The following SLC2A12 variants were observed in gnomAD, a reference collection of about 807,000 sequenced individuals.
SLC2A12 encodes the protein solute carrier family 2, facilitated glucose transporter member 12.
In SLC2A12, 23 loss-of-function variants were observed where a neutral mutation model predicts 41.8. The observed-to-expected ratio is 0.55, with a 90% CI of 0.40 to 0.78. The LOEUF (loss-of-function observed/expected upper bound fraction) is 0.78, where lower values mean the gene tolerates loss of function less well. SLC2A12 is among the 30% of genes least tolerant of loss of function. The probability of loss-of-function intolerance (pLI) is 0.00; values close to 1 mark genes in which losing one functional copy is unlikely to be tolerated. For missense variants in SLC2A12, 654 were observed against 745.6 expected, an observed-to-expected ratio of 0.88 and a Z score of 1.43; for synonymous variants, 295 against 285.9, an observed-to-expected ratio of 1.03 and a Z score of -0.32.
intron 2 of SLC2A12, among the ~76,000 whole-genome samples, chr6:134,014,755 G>A (rs779992157): frequency 1.3e-5 from 2 of 152,190 alleles, no homozygotes; most frequent in African/African-American, 4.8e-5. Context: ...TCATAGAACT[G>A]TAATTGGAGT....
chr6:134,031,093 C>T (rs867211578), intron 1 of SLC2A12, among the ~76,000 whole-genome samples: 17 of 152,230 alleles, frequency 1.1e-4, no homozygotes, highest in African/African-American at 4.1e-4. Context: ...GAGCTAAAAA[C>T]CACTACACTT....
intron 3 of SLC2A12, among the ~76,000 whole-genome samples, chr6:134,004,583 CCA>C (rs1472785170): frequency 1.3e-5 from 2 of 152,016 alleles, no homozygotes; most frequent in Non-Finnish European, 2.9e-5. Context: ...ATAGAACTTC[CCA>C]CAGTCTGGAT....
At chr6:134,038,409 T>G (rs911817585) in intron 1 of SLC2A12, among the ~76,000 whole-genome samples, 1 of 140,188 alleles carries the variant, frequency 7.1e-6, no homozygotes, top group African/African-American at 2.8e-5. Flanking sequence ...GTGCCCAGGC[T>G]GGAGTGTAGT....
Position 133,990,978 on chromosome 6 carries a change from T to G in SLC2A12, c.*177A>C. The G allele has an allele frequency of 1.5e-6, 1 of 663,152 alleles. No individual in the cohort carries two copies. The highest frequency in any genetic ancestry group is 2.4e-6 in the Non-Finnish European group (1 of 408,896). The allele number at this position is 663,152 out of a possible 1,614,324, so 41.1% of individuals were successfully genotyped here. On this transcript the variant is annotated 3_prime_UTR_variant, in exon 5 of 5. Coordinates refer to ENST00000275230, the MANE Select transcript of SLC2A12 (RefSeq NM_145176.3). ...AGGACCTTGTACCTCATCTACCTTT[T>G]GAGGTTCCTTCTGGGGAGGAGGGGG...
At chr6:134,037,566 G>A (rs1184659503) in intron 1 of SLC2A12, among the ~76,000 whole-genome samples, 1 of 152,016 alleles carries the variant, frequency 6.6e-6, no homozygotes, top group Non-Finnish European at 1.5e-5. Flanking sequence ...TGTTGGCCTG[G>A]ATGGTCTCGA....
chr6:133,994,105 G>A (rs551716066), intron 4 of SLC2A12, among the ~76,000 whole-genome samples: 8 of 152,324 alleles, frequency 5.3e-5, no homozygotes, highest in South Asian at 4.1e-4. Flanking sequence ...CAGGGCAGCC[G>A]TGAAGGTGTT....
intron 1 of SLC2A12, among the ~76,000 whole-genome samples, chr6:134,036,818 G>A (rs1046258188): frequency 2.6e-5 from 4 of 152,252 alleles, no homozygotes; most frequent in Admixed American, 1.3e-4. Flanking sequence ...AGGTTTTAGC[G>A]CTATGTTTAG....
intron 1 of SLC2A12, among the ~76,000 whole-genome samples, chr6:134,044,363 G>T (rs1035432583): frequency 5.9e-5 from 9 of 152,160 alleles, no homozygotes; most frequent in African/African-American, 2.2e-4. Flanking sequence ...TTGCTGAATG[G>T]TTATCTTGCA....
chr6:134,011,869 T>C (rs1458878276), intron 2 of SLC2A12, among the ~76,000 whole-genome samples: 7 of 151,890 alleles, frequency 4.6e-5, no homozygotes, highest in Admixed American at 4.6e-4. Context: ...TTGTGAAACC[T>C]CATCTCTACT....
intron 1 of SLC2A12, among the ~76,000 whole-genome samples, chr6:134,049,015 C>T (rs140355225): frequency 1.3e-5 from 2 of 152,316 alleles, no homozygotes; most frequent in African/African-American, 2.4e-5. Flanking sequence ...CCCGGGAGAA[C>T]AGCACTCAGT....
rs1240604368 is a variant in SLC2A12 at position 134,052,598 on chromosome 6, C to T, written c.-118G>A. The T allele has an allele frequency of 1.3e-6, 1 of 745,316 alleles. No homozygotes were observed. The highest frequency in any genetic ancestry group is 2.2e-6 in the Non-Finnish European group (1 of 449,754). The allele number at this position is 745,316 out of a possible 1,614,324, so 46.2% of individuals were successfully genotyped here. On this transcript the variant is annotated 5_prime_UTR_variant, in exon 1 of 5. Transcript: ENST00000275230. ...TAAAGAAGAGTGTGGGGAAAAACTT[C>T]GGGCAAAGCTAATGTGATTTGTGAC...
rs1162913648 is a variant in SLC2A12, at chr6:134,029,737, A to G, written c.104-16T>C. On this transcript the variant is annotated splice_polypyrimidine_tract_variant and intron_variant, in intron 1 of 4. Coordinates refer to ENST00000275230, the MANE Select transcript of SLC2A12 (RefSeq NM_145176.3). ...ATGCCGCAGCCTGCAAGCAGAGAGA[A>G]GAGACAGGGAGGTCAGTTCTCAGTT... 1 of 1,581,664 alleles carries G rather than the reference A, an allele frequency of 6.3e-7. No homozygotes were observed. Among genetic ancestry groups the G allele is most frequent in the Non-Finnish European group, 8.6e-7 (1 of 1,168,078 alleles).
At chr6:134,008,780 C>T (rs1776844417) in intron 2 of SLC2A12, among the ~76,000 whole-genome samples, 1 of 152,184 alleles carries the variant, frequency 6.6e-6, no homozygotes, top group Admixed American at 6.5e-5. Flanking sequence ...CACGGACCAA[C>T]CTCCCTATAC....
chr6:134,014,941 A>G (rs956203812), intron 2 of SLC2A12, among the ~76,000 whole-genome samples: 80 of 152,260 alleles, frequency 5.3e-4, no homozygotes, highest in Non-Finnish European at 1.9e-4. Context: ...AGGGGAAAAC[A>G]GGATTTAATT....
At chr6:134,009,111 G>A (rs62425803) in intron 2 of SLC2A12, 23,064 of 152,082 alleles carry the variant, frequency 0.15, 1,955 homozygotes, top group East Asian at 0.19. Context: ...AGTGGACCTC[G>A]CCAACAAGAA....
At chr6:134,048,594 A>C (rs1773616036) in intron 1 of SLC2A12, among the ~76,000 whole-genome samples, 4 of 152,182 alleles carry the variant, frequency 2.6e-5, no homozygotes, top group African/African-American at 7.2e-5. Context: ...ACAACAACAA[A>C]AAAACCTGTT....
chr6:134,007,029 C>T lies in SLC2A12; in HGVS notation c.1445-95G>A, dbSNP rs1391544056. Reference sequence around the variant, plus strand: ...ACCCTGATCTCTCCCTGCCCTCATCCTGCCGGGATTTGTGGTTGGGAAGCA... The same window carrying T: ...ACCCTGATCTCTCCCTGCCCTCATCTTGCCGGGATTTGTGGTTGGGAAGCA... On this transcript the variant is annotated intron_variant, in intron 2 of 4. Coordinates refer to ENST00000275230, the MANE Select transcript of SLC2A12 (RefSeq NM_145176.3). 3.9e-6 allele frequency: 6 copies of T among 1,536,182 alleles called. No individual in the cohort carries two copies. In the Admixed American group the frequency reaches 1.1e-4, roughly 29 times the overall value.
At chr6:133,993,036 T>C (rs1428642180) in intron 4 of SLC2A12, among the ~76,000 whole-genome samples, 1 of 152,186 alleles carries the variant, frequency 6.6e-6, no homozygotes, top group Admixed American at 6.5e-5. Flanking sequence ...GTGCTTGGCC[T>C]CTCCAGTCCC....
intron 1 of SLC2A12, among the ~76,000 whole-genome samples, chr6:134,042,573 G>T (rs2114504724): frequency 6.6e-6 from 1 of 151,976 alleles, no homozygotes; most frequent in African/African-American, 2.4e-5. Context: ...AGAAGAAAAG[G>T]TCAGGACAAG....
Sources: allele counts gnomAD v4.1 joint callset (sites outside exome capture counted in the v4.1 genomes callset), GRCh38; gene constraint gnomAD v4.1.1; transcripts MANE v1.5; gene names NCBI Gene and HGNC (gene_info 2026-07-23, HGNC 2026-07-21).